Variants in MACROD1 observed in about 807,000 individuals in gnomAD.
MACROD1 encodes the protein mono-ADP ribosylhydrolase 1, also known as ADP-ribose glycohydrolase MACROD1.
In MACROD1, 31 loss-of-function variants were observed where a neutral mutation model predicts 41.4. That is an observed-to-expected ratio of 0.75 (90% CI 0.56 to 1.01). The LOEUF is 1.01. Among genes scored for constraint, MACROD1 ranks in the 50% least tolerant of loss-of-function variants. MACROD1 has a pLI of 0.00. For missense variants in MACROD1, 473 were observed against 460.0 expected (o/e 1.03, Z -0.26); for synonymous variants, 252 against 203.4 (o/e 1.24, Z -2.03).
At chr11:64,155,096 T>C (rs1280339211) in intron 1 of MACROD1, among the ~76,000 whole-genome samples, 1 of 152,168 alleles carries the variant, frequency 6.6e-6, no homozygotes, top group Non-Finnish European at 1.5e-5. Context: ...TCCCACCACC[T>C]GGCACGGTGT....
intron 3 of MACROD1, among the ~76,000 whole-genome samples, chr11:64,072,938 A>G (rs1477929780): frequency 1.3e-5 from 2 of 152,256 alleles, no homozygotes; most frequent in Middle Eastern, 3.4e-3. Flanking sequence ...ACCTTCCCCA[A>G]AGTGGAACCC....
At position 64,005,503 on chromosome 11, in the gene MACROD1, G is replaced by C. The variant is rs560164655; in HGVS notation, c.548-5160C>G. ...AAGAGCAGGGAGGTGAACAGGAAGG[G>C]GGGCCTGGGCAAGGTTGTGGGGGTG... is the stretch of plus-strand genomic sequence containing the variant. On this transcript the variant is annotated intron_variant, in intron 4 of 10. Coordinates refer to ENST00000255681, the MANE Select transcript of MACROD1 (RefSeq NM_014067.4). 5.5e-4 allele frequency among the ~76,000 whole-genome samples: 84 copies of C among 152,350 alleles called. 1 individual carries two copies. The South Asian group carries it at 9.5e-3, about 17-fold the overall frequency.
At chr11:64,144,979 GGGTGGCCGCTCA>G (rs1945473251) in intron 3 of MACROD1, among the ~76,000 whole-genome samples, 1 of 152,182 alleles carries the variant, frequency 6.6e-6, no homozygotes, top group South Asian at 2.1e-4. Flanking sequence ...ACGCAGGGGC[GGGTGGCCGCTCA>G]GGTGGCCACT....
intron 3 of MACROD1, among the ~76,000 whole-genome samples, chr11:64,027,406 T>C (rs1352622060): frequency 1.3e-5 from 2 of 151,838 alleles, no homozygotes; most frequent in Non-Finnish European, 2.9e-5. Context: ...TGAGGATGGG[T>C]TGAGGGAGGG....
intron 3 of MACROD1, among the ~76,000 whole-genome samples, chr11:64,112,387 A>C (rs968170536): frequency 6.6e-6 from 1 of 151,984 alleles, no homozygotes; most frequent in African/African-American, 2.4e-5. Context: ...GGTGGTGCAC[A>C]CCTGTAGTCC....
intron 3 of MACROD1, among the ~76,000 whole-genome samples, chr11:64,076,156 C>G (rs1225244134): frequency 6.6e-6 from 1 of 152,218 alleles, no homozygotes; most frequent in Non-Finnish European, 1.5e-5. Context: ...CCCCAGCGAC[C>G]TTCCCAGCTC....
chr11:64,102,407 A>G (rs669913), intron 3 of MACROD1, among the ~76,000 whole-genome samples: 71,036 of 151,996 alleles, frequency 0.47, 17,401 homozygotes, highest in African/African-American at 0.61. Context: ...CAGAGGCCAG[A>G]AACACGGAGA....
chr11:64,015,059 C>G (rs1235217198), intron 4 of MACROD1, among the ~76,000 whole-genome samples, 193 bp downstream of exon 4: 4 of 152,166 alleles, frequency 2.6e-5, no homozygotes, highest in Non-Finnish European at 2.9e-5. Context: ...GGAGCTGGCC[C>G]AGGTTGCCTG....
At chr11:64,151,944 T>C (rs1409334544) in intron 2 of MACROD1, among the ~76,000 whole-genome samples, 1 of 152,028 alleles carries the variant, frequency 6.6e-6, no homozygotes, top group Non-Finnish European at 1.5e-5. Context: ...GCCTGGCCAA[T>C]ATGGTGAAAC....
intron 3 of MACROD1, among the ~76,000 whole-genome samples, chr11:64,095,746 G>A (rs1230459690): frequency 6.6e-6 from 1 of 152,220 alleles, no homozygotes; most frequent in South Asian, 2.1e-4. Flanking sequence ...GCTGCACACT[G>A]GACCCCCAGC....
At position 64,072,434 on chromosome 11, in the gene MACROD1, A is replaced by T. The variant is rs191515441; in HGVS notation, c.518-57153T>A. 9.0e-3 allele frequency among the ~76,000 whole-genome samples: 1,372 copies of T among 152,260 alleles called. 22 individuals are homozygous for T. The highest frequency in any genetic ancestry group is 0.025 in the African/African-American group (1,051 of 41,536). ...TGATCCGGCTCATTTAAAAAAAAAAAAATAATAATTACATAACATTGGATA... is the reference window on the plus strand; with the variant it reads ...TGATCCGGCTCATTTAAAAAAAAAATAATAATAATTACATAACATTGGATA... On this transcript the variant is annotated intron_variant, in intron 3 of 10. Transcript: ENST00000255681.
chr11:64,048,021 C>T (rs1170167300), intron 3 of MACROD1, among the ~76,000 whole-genome samples: 1 of 152,188 alleles, frequency 6.6e-6, no homozygotes, highest in East Asian at 1.9e-4. Flanking sequence ...TGAGCCACCA[C>T]TTCAGAGTGG....
At chr11:64,072,322 C>T (rs1222998434) in intron 3 of MACROD1, among the ~76,000 whole-genome samples, 1 of 152,116 alleles carries the variant, frequency 6.6e-6, no homozygotes, top group South Asian at 2.1e-4. Context: ...GTGGCTGCAC[C>T]AGGGCGAGCC....
intron 3 of MACROD1, among the ~76,000 whole-genome samples, chr11:64,151,028 G>T (rs1327158961): frequency 6.6e-6 from 1 of 152,208 alleles, no homozygotes; most frequent in Non-Finnish European, 1.5e-5. Context: ...TCTCAGTGGA[G>T]CAAGGCGCCC....
intron 3 of MACROD1, among the ~76,000 whole-genome samples, chr11:64,133,527 AG>A (rs1945294184): frequency 6.6e-6 from 1 of 152,174 alleles, no homozygotes; most frequent in Non-Finnish European, 1.5e-5. Flanking sequence ...TCCTCCTAAA[AG>A]GCAGCTCCCC....
intron 3 of MACROD1, among the ~76,000 whole-genome samples, chr11:64,049,376 TC>T (rs2134407908): frequency 6.6e-6 from 1 of 152,328 alleles, no homozygotes; most frequent in East Asian, 1.9e-4. Context: ...CCACGGCCAG[TC>T]CTGGGCAGGG....
intron 3 of MACROD1, among the ~76,000 whole-genome samples, chr11:64,026,933 G>A (rs997022973): frequency 1.1e-4 from 16 of 152,144 alleles, no homozygotes; most frequent in Non-Finnish European, 2.2e-4. Flanking sequence ...CCCCTTATCA[G>A]CCTCTTTATT....
At chr11:64,151,859 T>C (rs999503554) in intron 2 of MACROD1, among the ~76,000 whole-genome samples, 1 of 152,242 alleles carries the variant, frequency 6.6e-6, no homozygotes, top group African/African-American at 2.4e-5. Flanking sequence ...CCAGGCGCAG[T>C]TGCTGACGCC....
At chr11:64,045,726 T>C (rs1457642132) in intron 3 of MACROD1, among the ~76,000 whole-genome samples, 1 of 152,202 alleles carries the variant, frequency 6.6e-6, no homozygotes, top group Non-Finnish European at 1.5e-5. Context: ...ACTGTACCCC[T>C]GGATGCCAAA....
Sources: allele counts gnomAD v4.1 joint callset (sites outside exome capture counted in the v4.1 genomes callset), GRCh38; gene constraint gnomAD v4.1.1; transcripts MANE v1.5; gene names NCBI Gene and HGNC (gene_info 2026-07-23, HGNC 2026-07-21).